The following NFYC variants were observed in gnomAD, a reference collection of about 807,000 sequenced individuals.
NFYC encodes nuclear transcription factor Y subunit gamma.
In NFYC, 25 loss-of-function variants were observed where a neutral mutation model predicts 53.1. That is an observed-to-expected ratio of 0.47 (90% CI 0.34 to 0.66). NFYC has a LOEUF of 0.66. Among genes scored for constraint, NFYC ranks in the 30% least tolerant of loss-of-function variants. The probability of loss-of-function intolerance (pLI) is 0.01; values close to 1 mark genes in which losing one functional copy is unlikely to be tolerated. For missense variants in NFYC, 260 were observed against 422.7 expected (o/e 0.62, Z 3.38); for synonymous variants, 145 against 152.6 (o/e 0.95, Z 0.37).
intron 1 of NFYC, among the ~76,000 whole-genome samples, chr1:40,704,260 A>T (rs900811745): frequency 9.2e-5 from 14 of 152,034 alleles, no homozygotes; most frequent in Non-Finnish European, 4.4e-5. Flanking sequence ...GTTAGTAGAG[A>T]CGGGGTTTCA....
At chr1:40,731,472 CTTTCTT>C (rs1006515311) in intron 1 of NFYC, among the ~76,000 whole-genome samples, 2 of 150,166 alleles carry the variant, frequency 1.3e-5, no homozygotes, top group Admixed American at 6.7e-5. Flanking sequence ...CGCACCTGGC[CTTTCTT>C]TTTCTTTTTC....
At chr1:40,729,739 G>A (rs527700774) in intron 1 of NFYC, among the ~76,000 whole-genome samples, 2 of 151,116 alleles carry the variant, frequency 1.3e-5, no homozygotes, top group South Asian at 2.1e-4. Context: ...GCAATGGTAC[G>A]ATCTCAGCTG....
intron 1 of NFYC, among the ~76,000 whole-genome samples, chr1:40,700,557 G>T (rs936603564): frequency 1.3e-5 from 2 of 151,988 alleles, no homozygotes; most frequent in African/African-American, 4.8e-5. Context: ...TGTTGTCCAG[G>T]CTAGTCCCAA....
intron 1 of NFYC, among the ~76,000 whole-genome samples, chr1:40,728,884 C>T (rs772977418): frequency 5.1e-4 from 77 of 152,148 alleles, no homozygotes; most frequent in Non-Finnish European, 9.1e-4. Context: ...GTTATCCGCC[C>T]GCCTTGGCCT....
At chr1:40,745,753 T>C (rs1423809395) in intron 2 of NFYC, among the ~76,000 whole-genome samples, 3 of 152,154 alleles carry the variant, frequency 2.0e-5, no homozygotes, top group Non-Finnish European at 4.4e-5. Context: ...AATATGTCCT[T>C]CTTTGTGTCC....
At chr1:40,761,419 C>G (rs369601050) in intron 6 of NFYC, among the ~76,000 whole-genome samples, 16 of 152,098 alleles carry the variant, frequency 1.1e-4, no homozygotes, top group African/African-American at 3.6e-4. Flanking sequence ...CTTCGTAGGA[C>G]AGAATACATA....
intron 1 of NFYC, among the ~76,000 whole-genome samples, chr1:40,699,717 A>C (rs1053609333): frequency 1.3e-5 from 2 of 152,206 alleles, no homozygotes; most frequent in African/African-American, 4.8e-5. Context: ...ATCAGAATAC[A>C]GTTGCCTATA....
chr1:40,767,536 A>G (rs1429669372), intron 8 of NFYC, among the ~76,000 whole-genome samples: 1 of 152,130 alleles, frequency 6.6e-6, no homozygotes. Context: ...GGCTTACCTA[A>G]GGACGCGGCT....
At chr1:40,758,424 G>T in intron 6 of NFYC, 130 bp downstream of exon 6, 1 of 1,070,294 alleles carries the variant, frequency 9.3e-7, no homozygotes, top group Non-Finnish European at 1.3e-6. Flanking sequence ...CTGGAAACTG[G>T]AACTTTTCCC....
chr1:40,712,657 CCT>C (rs1491572414), intron 1 of NFYC: 1 of 112,012 alleles, frequency 8.9e-6, no homozygotes, highest in Non-Finnish European at 1.8e-5. Context: ...GGGATTAATG[CCT>C]TTTTTTTTTT....
chr1:40,731,589 A>AT, intron 1 of NFYC, among the ~76,000 whole-genome samples: 1 of 151,924 alleles, frequency 6.6e-6, no homozygotes, highest in African/African-American at 2.4e-5. Context: ...GATTCAAGCG[A>AT]TTCCCCCGCC....
At chr1:40,767,162 G>T in intron 8 of NFYC, 1 of 600,812 alleles carries the variant, frequency 1.7e-6, no homozygotes, top group South Asian at 1.8e-5. Flanking sequence ...CTCTCCTCTC[G>T]TGCCCTACAA....
At chr1:40,709,147 G>A (rs919862697) in intron 1 of NFYC, among the ~76,000 whole-genome samples, 8 of 152,310 alleles carry the variant, frequency 5.3e-5, no homozygotes, top group Non-Finnish European at 7.3e-5. Flanking sequence ...ATAGTTTGAA[G>A]TCTGAATCTG....
At chr1:40,721,319 A>G (rs186877782) in intron 1 of NFYC, among the ~76,000 whole-genome samples, 1 of 152,224 alleles carries the variant, frequency 6.6e-6, no homozygotes, top group African/African-American at 2.4e-5. Context: ...TTTCCAGAAC[A>G]TGTTTCCTTC....
At chr1:40,764,586 G>A (rs58844399) in intron 7 of NFYC, among the ~76,000 whole-genome samples, 1 of 152,212 alleles carries the variant, frequency 6.6e-6, no homozygotes, top group Non-Finnish European at 1.5e-5. Context: ...CTGGGGCACA[G>A]AGCTTTAGCC....
chr1:40,760,778 T>C (rs1646503457), intron 6 of NFYC, among the ~76,000 whole-genome samples: 1 of 152,142 alleles, frequency 6.6e-6, no homozygotes, highest in South Asian at 2.1e-4. Flanking sequence ...TACTTATCCA[T>C]ATAACAAAAA....
In NFYC at chr1:40,700,627, T is replaced by G. The variant is rs534093188; in HGVS notation, c.-9+8760T>G. ...TCCCAGAGTGTTGGGATTACAGGTG[T>G]AAGCTACCGTACCTGGCTTATTTTT... is the stretch of plus-strand genomic sequence containing the variant. On this transcript the variant is annotated intron_variant, in intron 1 of 9. Coordinates refer to ENST00000447388, the MANE Select transcript of NFYC (RefSeq NM_014223.5). Among the ~76,000 whole-genome samples, 6 of 152,280 alleles carry G rather than the reference T, an allele frequency of 3.9e-5. No homozygotes were observed. In the South Asian group the frequency reaches 1.2e-3, roughly 32 times the overall value.
chr1:40,741,018 C>T (rs1027938309), intron 2 of NFYC, among the ~76,000 whole-genome samples: 1 of 151,562 alleles, frequency 6.6e-6, no homozygotes, highest in African/African-American at 2.4e-5. Context: ...AGTATAATCA[C>T]ATTGTTATGG....
intron 1 of NFYC, among the ~76,000 whole-genome samples, chr1:40,693,214 T>C (rs540398553): frequency 1.3e-5 from 2 of 152,370 alleles, no homozygotes; most frequent in Admixed American, 1.3e-4. Flanking sequence ...GAACAGGACT[T>C]GTCAACACTT....
Sources: allele counts gnomAD v4.1 joint callset (sites outside exome capture counted in the v4.1 genomes callset), GRCh38; gene constraint gnomAD v4.1.1; transcripts MANE v1.5; gene names NCBI Gene and HGNC (gene_info 2026-07-23, HGNC 2026-07-21).